CSMD3: variants seen among roughly 807,000 people sequenced by gnomAD.
CSMD3 encodes CUB and sushi domain-containing protein 3.
A neutral mutation model predicts 435.2 loss-of-function variants in CSMD3; 177 were observed. The ratio of observed to expected loss-of-function variants is 0.41; its 90% CI spans 0.36 to 0.46. The LOEUF is 0.46. Among genes scored for constraint, CSMD3 ranks in the 20% least tolerant of loss-of-function variants. The pLI, the probability that CSMD3 is intolerant of heterozygous loss-of-function variation, is 0.34. For missense variants in CSMD3, 4,265 were observed against 4,504.6 expected (o/e 0.95, Z 1.52); for synonymous variants, 1,656 against 1,520.5 (o/e 1.09, Z -2.07).
chr8:112,406,402 T>C (rs1411666397), intron 35 of CSMD3, 122 bp downstream of exon 35: 10 of 555,452 alleles, frequency 1.8e-5, no homozygotes, highest in Non-Finnish European at 2.8e-5. Flanking sequence ...TAAAGCATAC[T>C]TATTAAATTA....
At chr8:112,568,457 T>C (rs1220686497) in intron 24 of CSMD3, among the ~76,000 whole-genome samples, 1 of 150,710 alleles carries the variant, frequency 6.6e-6, no homozygotes, top group Non-Finnish European at 1.5e-5. Context: ...TAGCCAGGCA[T>C]GGTGGTGGGC....
chr8:112,392,560 CA>C (rs1830509983), intron 35 of CSMD3, among the ~76,000 whole-genome samples: 1 of 150,908 alleles, frequency 6.6e-6, no homozygotes, highest in Non-Finnish European at 1.5e-5. Flanking sequence ...AAAAATAGAA[CA>C]AAAACGTAAT....
chr8:113,176,768 T>C (rs1033418232), intron 3 of CSMD3, among the ~76,000 whole-genome samples: 1 of 151,552 alleles, frequency 6.6e-6, no homozygotes, highest in Non-Finnish European at 1.5e-5. Context: ...GTGGATAGAG[T>C]ATTAGGGAAA....
intron 36 of CSMD3, among the ~76,000 whole-genome samples, chr8:112,388,088 G>A (rs1830124884): frequency 6.6e-6 from 1 of 152,144 alleles, no homozygotes; most frequent in South Asian, 2.1e-4. Context: ...GTAAGAATAA[G>A]CAACATAAAA....
At position 113,424,084 on chromosome 8, in the gene CSMD3, G is replaced by A. The variant is rs1426137047; in HGVS notation, c.178+12593C>T. ...TACAGAATGTGAAAGGGAATAAGGA[G>A]GTACTTTTGTAGTTCTGAAGTAATC... On this transcript the variant is annotated intron_variant, in intron 1 of 70. Transcript: ENST00000297405. 2.6e-5 allele frequency among the ~76,000 whole-genome samples: 4 copies of A among 151,698 alleles called. No individual in the cohort carries two copies. The East Asian group carries it at 5.8e-4, about 22-fold the overall frequency.
At chr8:113,333,008 CAA>C (rs2094040131) in intron 1 of CSMD3, among the ~76,000 whole-genome samples, 1 of 151,534 alleles carries the variant, frequency 6.6e-6, no homozygotes, top group African/African-American at 2.4e-5. Context: ...GTGGGGGAGT[CAA>C]GAGGGGAACT....
intron 9 of CSMD3, among the ~76,000 whole-genome samples, chr8:112,922,073 T>C (rs573453355): frequency 2.0e-5 from 3 of 152,192 alleles, no homozygotes; most frequent in Admixed American, 1.3e-4. Context: ...ACGGTGTTTT[T>C]CTGGCATGTA....
intron 3 of CSMD3, among the ~76,000 whole-genome samples, chr8:113,192,615 G>A (rs1030859975): frequency 6.6e-6 from 1 of 151,018 alleles, no homozygotes; most frequent in Non-Finnish European, 1.5e-5. Context: ...TCTCCCTTAT[G>A]GAAGTTTTCT....
chr8:112,763,892 C>CT lies in CSMD3; in HGVS notation c.1972+36269dup, dbSNP rs1051553371. On this transcript the variant is annotated intron_variant, in intron 13 of 70. Coordinates refer to ENST00000297405, the MANE Select transcript of CSMD3 (RefSeq NM_198123.2). ...CCTAGCAACACATGAAATTCTTTAG[C>CT]TTTTTTTTTCTTGCTGGCAGCTCCA... Among the ~76,000 whole-genome samples the CT allele has an allele frequency of 2.5e-4, 38 of 150,034 alleles. No individual in the cohort carries two copies. In the South Asian group the frequency reaches 3.4e-3, roughly 13 times the overall value.
intron 18 of CSMD3, among the ~76,000 whole-genome samples, chr8:112,651,279 T>C (rs1276333336): frequency 6.6e-6 from 1 of 152,146 alleles, no homozygotes; most frequent in East Asian, 1.9e-4. Context: ...TAAATCATAT[T>C]TATATGAGAA....
chr8:112,650,204 G>T lies in CSMD3; in HGVS notation c.3150C>A (p.Cys1050Ter), dbSNP rs774914978. 1.2e-6 allele frequency: 2 copies of T among 1,613,574 alleles called. No individual in the cohort carries two copies. The highest frequency in any genetic ancestry group is 1.7e-6 in the Non-Finnish European group (2 of 1,179,764). ...YRLSHEEPLL[C>*]EKNHWWSHPL... ...GATGACTCCACCAGTGGTTTTTTTC[G>T]CATAGAAGGGGCTCTTCATGACTCA... is the stretch of plus-strand genomic sequence containing the variant. Residue 1050 changes from cysteine (C) to a stop codon, truncating the protein, a stop_gained, in exon 19 of 71, where the codon TGC (cysteine) becomes TGA (stop). Transcript: ENST00000297405. LOFTEE classifies it high-confidence loss of function.
chr8:113,377,020 G>T, intron 1 of CSMD3: 2 of 1,327,858 alleles, frequency 1.5e-6, no homozygotes, highest in Non-Finnish European at 9.9e-7. Flanking sequence ...CTAGGGAGTG[G>T]GGTGGGGTGG....
chr8:113,243,820 T>C (rs976171358), intron 3 of CSMD3, among the ~76,000 whole-genome samples: 5 of 152,174 alleles, frequency 3.3e-5, no homozygotes, highest in African/African-American at 1.2e-4. Context: ...TGTGAAGTAG[T>C]CTCATTGTGG....
At chr8:113,125,250 A>T (rs1355484732) in intron 4 of CSMD3, among the ~76,000 whole-genome samples, 1 of 151,956 alleles carries the variant, frequency 6.6e-6, no homozygotes, top group Non-Finnish European at 1.5e-5. Context: ...GTAGAAGTGG[A>T]CTGGGCCCAC....
chr8:112,326,145 T>A (rs961110749), intron 45 of CSMD3, among the ~76,000 whole-genome samples: 1 of 152,182 alleles, frequency 6.6e-6, no homozygotes, highest in Non-Finnish European at 1.5e-5. Context: ...AATTGAGGCA[T>A]GTTGTCTTTG....
At chr8:112,371,044 T>G (rs1828344582) in intron 38 of CSMD3, among the ~76,000 whole-genome samples, 1 of 152,130 alleles carries the variant, frequency 6.6e-6, no homozygotes, top group Admixed American at 6.5e-5. Flanking sequence ...GGAGCAAGGA[T>G]GGAGAAGATG....
chr8:112,506,550 A>T (rs1822542457), intron 29 of CSMD3, 141 bp downstream of exon 29: 5 of 770,216 alleles, frequency 6.5e-6, no homozygotes, highest in African/African-American at 1.8e-5. Flanking sequence ...GCAAAGCTAG[A>T]ACAACTATTA....
intron 24 of CSMD3, among the ~76,000 whole-genome samples, chr8:112,561,943 T>C (rs998293573): frequency 3.3e-5 from 5 of 151,632 alleles, no homozygotes; most frequent in African/African-American, 1.2e-4. Context: ...TCTGTGGTAT[T>C]CCGTTGGTGA....
intron 5 of CSMD3, among the ~76,000 whole-genome samples, chr8:113,086,959 A>C (rs72685803): frequency 0.067 from 10,160 of 152,252 alleles, 458 homozygotes; most frequent in Non-Finnish European, 0.095. Context: ...GGTGTCAGCT[A>C]AGTCATCTCT....
Sources: gnomAD v4.1 joint callset for allele counts (sites outside exome capture counted in the v4.1 genomes callset) on GRCh38, gnomAD v4.1.1 for gene constraint, MANE v1.5 for transcripts, NCBI Gene and HGNC (gene_info 2026-07-23, HGNC 2026-07-21) for gene names.